PTPRT: variants seen among roughly 807,000 people sequenced by gnomAD.
PTPRT encodes receptor-type tyrosine-protein phosphatase T.
PTPRT carries 56 observed loss-of-function variants against 176.8 expected under a neutral mutation model. That is an observed-to-expected ratio of 0.32 (90% CI 0.26 to 0.40). The LOEUF is 0.40. PTPRT is among the 10% of genes least tolerant of loss of function. The probability of loss-of-function intolerance (pLI) is 1.00; values close to 1 mark genes in which losing one functional copy is unlikely to be tolerated. For missense variants in PTPRT, 1,540 were observed against 1,908.2 expected (o/e 0.81, Z 3.60); for synonymous variants, 783 against 739.0 (o/e 1.06, Z -0.96).
chr20:42,752,079 A>G (rs2076777871), intron 6 of PTPRT, among the ~76,000 whole-genome samples: 1 of 152,062 alleles, frequency 6.6e-6, no homozygotes, highest in Non-Finnish European at 1.5e-5. Flanking sequence ...CCGTGTACCA[A>G]CAGAGAACTG....
At chr20:42,242,525 G>A (rs6093600) in intron 14 of PTPRT, among the ~76,000 whole-genome samples, 2,731 of 152,278 alleles carry the variant, frequency 0.018, 85 homozygotes, top group African/African-American at 0.062. Flanking sequence ...CAGATCAAAG[G>A]TCAGGAAGGG....
chr20:42,115,828 G>A (rs1398945261), intron 21 of PTPRT, among the ~76,000 whole-genome samples: 1 of 152,094 alleles, frequency 6.6e-6, no homozygotes, highest in African/African-American at 2.4e-5. Flanking sequence ...TTGGGAGGGG[G>A]ACATCATTAA....
chr20:43,063,175 C>A (rs151296044), intron 1 of PTPRT, among the ~76,000 whole-genome samples: 1 of 152,078 alleles, frequency 6.6e-6, no homozygotes, highest in African/African-American at 2.4e-5. Flanking sequence ...AATGGCAAAT[C>A]GTATGTGAAA....
chr20:43,117,151 C>T (rs557359964), intron 1 of PTPRT, among the ~76,000 whole-genome samples: 1 of 152,092 alleles, frequency 6.6e-6, no homozygotes, highest in Non-Finnish European at 1.5e-5. Flanking sequence ...CAGACACTTC[C>T]ACCTATATTT....
intron 1 of PTPRT, among the ~76,000 whole-genome samples, chr20:43,037,071 C>T (rs1331822469): frequency 1.3e-5 from 2 of 152,140 alleles, no homozygotes; most frequent in Non-Finnish European, 2.9e-5. Context: ...GGTGAATTGC[C>T]AAATTCAATT....
chr20:42,883,355 A>G (rs2079034995), intron 2 of PTPRT, among the ~76,000 whole-genome samples: 2 of 152,138 alleles, frequency 1.3e-5, no homozygotes, highest in Admixed American at 1.3e-4. Flanking sequence ...CTTAGGAAGT[A>G]AAATGGCAGA....
Position 42,136,686 on chromosome 20 carries a change from G to A in PTPRT, c.2770+5229C>T, listed in dbSNP as rs559643144. On this transcript the variant is annotated intron_variant, in intron 18 of 30. Transcript: ENST00000373187. ...TGCCATCCAGGCACTGCCCCACTGA[G>A]GGGCCTTTCTGAAGGAAGGGAGGGA... Among the ~76,000 whole-genome samples the A allele has an allele frequency of 5.9e-5, 9 of 152,324 alleles. 1 individual carries two copies. Among genetic ancestry groups the A allele is most frequent in the African/African-American group, 2.2e-4 (9 of 41,564 alleles).
chr20:42,934,941 A>T (rs999334764), intron 1 of PTPRT, among the ~76,000 whole-genome samples: 1 of 151,698 alleles, frequency 6.6e-6, no homozygotes, highest in East Asian at 1.9e-4. Context: ...ATCTGGGCAT[A>T]GTGGCGGTGC....
chr20:42,217,255 C>T (rs939473389), intron 15 of PTPRT, among the ~76,000 whole-genome samples: 1 of 151,936 alleles, frequency 6.6e-6, no homozygotes. Context: ...CGCCTGAAGT[C>T]CCAGCTACTG....
intron 7 of PTPRT, among the ~76,000 whole-genome samples, chr20:42,648,316 A>G (rs1600544872): frequency 6.6e-6 from 1 of 152,150 alleles, no homozygotes; most frequent in Admixed American, 6.5e-5. Flanking sequence ...CTTACTCTAC[A>G]TCCCCCTCTC....
intron 7 of PTPRT, among the ~76,000 whole-genome samples, chr20:42,503,822 T>G (rs991575238): frequency 6.6e-6 from 1 of 152,238 alleles, no homozygotes; most frequent in Admixed American, 6.5e-5. Context: ...CTGCTTTTCT[T>G]AAAACAGGCC....
chr20:43,177,304 G>T (rs2038890614), intron 1 of PTPRT, among the ~76,000 whole-genome samples: 1 of 152,166 alleles, frequency 6.6e-6, no homozygotes, highest in Non-Finnish European at 1.5e-5. Context: ...AAGATGGCTG[G>T]GACAAAGGTA....
intron 4 of PTPRT, among the ~76,000 whole-genome samples, chr20:42,777,720 A>G (rs940685696): frequency 2.6e-5 from 4 of 152,214 alleles, no homozygotes; most frequent in African/African-American, 7.2e-5. Flanking sequence ...AAGAAAGAAT[A>G]AAAACCTGGG....
chr20:42,317,016 C>T (rs1292120893), intron 11 of PTPRT, among the ~76,000 whole-genome samples: 1 of 152,168 alleles, frequency 6.6e-6, no homozygotes, highest in Non-Finnish European at 1.5e-5. Flanking sequence ...TTATCTCTGC[C>T]TCATTCTCCA....
chr20:42,820,029 G>C (rs1180412687), intron 2 of PTPRT, among the ~76,000 whole-genome samples: 1 of 152,094 alleles, frequency 6.6e-6, no homozygotes, highest in African/African-American at 2.4e-5. Context: ...AATTAACAAG[G>C]ATATTCAGGA....
chr20:42,392,946 G>A (rs1309172285), intron 9 of PTPRT, among the ~76,000 whole-genome samples: 1 of 151,998 alleles, frequency 6.6e-6, no homozygotes, highest in African/African-American at 2.4e-5. Context: ...CAAAGAAAGA[G>A]GAAAATCTGA....
At chr20:42,378,087 C>T (rs1428418158) in intron 9 of PTPRT, among the ~76,000 whole-genome samples, 1 of 152,176 alleles carries the variant, frequency 6.6e-6, no homozygotes, top group Non-Finnish European at 1.5e-5. Context: ...AATTCAGATT[C>T]TGGAGCCAAA....
intron 1 of PTPRT, among the ~76,000 whole-genome samples, chr20:43,125,315 A>C (rs2013400981): frequency 6.6e-6 from 1 of 151,810 alleles, no homozygotes. Flanking sequence ...TGGGATTTGA[A>C]CTCTGACCTT....
At chr20:42,351,657 T>C (rs2058286077) in intron 10 of PTPRT, among the ~76,000 whole-genome samples, 1 of 151,142 alleles carries the variant, frequency 6.6e-6, no homozygotes, top group East Asian at 2.0e-4. Flanking sequence ...CAGTCTGTAA[T>C]TTTGGACTAC....
Sources: allele counts gnomAD v4.1 joint callset (sites outside exome capture counted in the v4.1 genomes callset), GRCh38; gene constraint gnomAD v4.1.1; transcripts MANE v1.5; gene names NCBI Gene and HGNC (gene_info 2026-07-23, HGNC 2026-07-21).